MTBP: variants seen among roughly 807,000 people sequenced by gnomAD.
MTBP encodes mdm2-binding protein.
In MTBP, 101 loss-of-function variants were observed where a neutral mutation model predicts 117.0. That is an observed-to-expected ratio of 0.86 (90% CI 0.73 to 1.02). The LOEUF (loss-of-function observed/expected upper bound fraction) is 1.02, where lower values mean the gene tolerates loss of function less well. Ranked by LOEUF, MTBP falls within the 50% of genes least tolerant of loss-of-function variation. MTBP has a pLI of 0.00. For missense variants in MTBP, 970 were observed against 1,030.9 expected (o/e 0.94, Z 0.81); for synonymous variants, 350 against 351.5 (o/e 1.00, Z 0.05).
chr8:120,463,317 A>G (rs932061922), intron 9 of MTBP, among the ~76,000 whole-genome samples: 8 of 152,194 alleles, frequency 5.3e-5, no homozygotes, highest in African/African-American at 1.9e-4. Flanking sequence ...TTAAAAATAT[A>G]TAAGCATGTT....
chr8:120,511,423 GT>G (rs1230287032), intron 17 of MTBP, among the ~76,000 whole-genome samples: 2 of 152,132 alleles, frequency 1.3e-5, no homozygotes, highest in Non-Finnish European at 2.9e-5. Context: ...AGCCTCCCAG[GT>G]AACTGGGATT....
intron 14 of MTBP, among the ~76,000 whole-genome samples, chr8:120,498,638 G>A (rs1013053326): frequency 1.3e-5 from 2 of 152,314 alleles, no homozygotes; most frequent in Non-Finnish European, 1.5e-5. Context: ...TATAAAGTAA[G>A]TGCTGGTTAA....
intron 20 of MTBP, 91 bp from the exon 21 acceptor site, chr8:120,522,561 ATT>A: frequency 1.2e-6 from 1 of 854,448 alleles, no homozygotes; most frequent in Non-Finnish European, 1.8e-6. Context: ...GTGTAGAATG[ATT>A]TAGAATAATC....
chr8:120,466,050 A>G (rs373863857), intron 10 of MTBP, among the ~76,000 whole-genome samples: 15 of 152,238 alleles, frequency 9.9e-5, no homozygotes, highest in African/African-American at 2.9e-4. Context: ...ATATTACAAC[A>G]TACTTTATTA....
At chr8:120,490,963 T>C (rs1280160697) in intron 13 of MTBP, among the ~76,000 whole-genome samples, 3 of 152,152 alleles carry the variant, frequency 2.0e-5, no homozygotes, top group African/African-American at 7.2e-5. Flanking sequence ...TTAGGGAAAT[T>C]AATGTGTTAC....
chr8:120,451,383 T>C, intron 4 of MTBP, 61 bp downstream of exon 4: 1 of 1,356,266 alleles, frequency 7.4e-7, no homozygotes, highest in Non-Finnish European at 1.0e-6. Flanking sequence ...GTTATTTTAA[T>C]CCATGAGAAT....
chr8:120,519,181 GAA>G (rs35475031), intron 20 of MTBP, among the ~76,000 whole-genome samples: 30 of 118,360 alleles, frequency 2.5e-4, no homozygotes, highest in Admixed American at 5.8e-4. Flanking sequence ...AAAATGTTCT[GAA>G]AAAAAAAAAA....
chr8:120,463,803 A>G, intron 10 of MTBP, 42 bp downstream of exon 10: 1 of 1,548,360 alleles, frequency 6.5e-7, no homozygotes, highest in Non-Finnish European at 8.9e-7. Flanking sequence ...GTTTGTTTTT[A>G]TACTTGCCAT....
At chr8:120,503,512 C>T (rs762099740) in intron 15 of MTBP, among the ~76,000 whole-genome samples, 106 of 152,182 alleles carry the variant, frequency 7.0e-4, no homozygotes, top group African/African-American at 1.8e-3. Context: ...TCTTAGAGGA[C>T]GTTACATTTG....
In MTBP at chr8:120,445,498, T is replaced by A. The variant is rs1174849149; in HGVS notation, c.28T>A (p.Trp10Arg). The change falls in exon 1 of 22, where the codon TGG (tryptophan) becomes AGG (arginine). Residue 10 changes from tryptophan to arginine, a missense_variant. Transcript: ENST00000305949. MDRYLLLVI[W>R]GEGKFPSAAS... ...GGATCGGTACCTGCTGCTGGTGATCTGGGGGGAAGGAAAATTCCCGTCGGC... is the reference window on the plus strand; with the variant it reads ...GGATCGGTACCTGCTGCTGGTGATCAGGGGGGAAGGAAAATTCCCGTCGGC... 6.2e-6 allele frequency: 10 copies of A among 1,613,238 alleles called. No homozygotes were observed. In the African/African-American group the frequency reaches 1.2e-4, roughly 19 times the overall value.
At chr8:120,492,950 C>A (rs1243448065) in intron 13 of MTBP, among the ~76,000 whole-genome samples, 1 of 151,948 alleles carries the variant, frequency 6.6e-6, no homozygotes, top group African/African-American at 2.4e-5. Context: ...CAAGAAAAGG[C>A]TGAAGAATGC....
chr8:120,452,310 GT>G (rs1210744038), intron 4 of MTBP: 1 of 152,016 alleles, frequency 6.6e-6, no homozygotes, highest in Non-Finnish European at 1.5e-5. Flanking sequence ...GATCATATTT[GT>G]TTGTACTGAT....
In MTBP at chr8:120,488,286, T is replaced by A; in HGVS notation, c.1293T>A (p.Asn431Lys). The change falls in exon 12 of 22, where the codon AAT (asparagine) becomes AAA (lysine). Residue 431 changes from asparagine (N) to lysine (K), a missense_variant. Coordinates refer to ENST00000305949, the MANE Select transcript of MTBP (RefSeq NM_022045.5). ...AGATCAATGGCTCATTTGCACTCAATTTAATTCATGGAAAGATGAAAACAA... is the reference window on the plus strand; with the variant it reads ...AGATCAATGGCTCATTTGCACTCAAATTAATTCATGGAAAGATGAAAACAA... Reference protein sequence around the residue: ...ANQINGSFALNLIHGKMKTKT... With the variant: ...ANQINGSFALKLIHGKMKTKT... 6.4e-7 allele frequency: 1 copy of A among 1,570,966 alleles called. No homozygotes were observed. The highest frequency in any genetic ancestry group is 8.6e-7 in the Non-Finnish European group (1 of 1,164,986).
chr8:120,477,562 A>T (rs1415848423), intron 11 of MTBP, among the ~76,000 whole-genome samples: 1 of 152,200 alleles, frequency 6.6e-6, no homozygotes, highest in Non-Finnish European at 1.5e-5. Context: ...ACAAGAAAAA[A>T]GCAAACAACC....
intron 13 of MTBP, among the ~76,000 whole-genome samples, chr8:120,492,173 C>A (rs1035653764): frequency 6.6e-6 from 1 of 152,148 alleles, no homozygotes. Context: ...AGCATTAAAT[C>A]TTGATTCAGA....
chr8:120,508,950 G>T (rs1029829447), intron 16 of MTBP, among the ~76,000 whole-genome samples: 1 of 152,108 alleles, frequency 6.6e-6, no homozygotes, highest in Non-Finnish European at 1.5e-5. Context: ...CCCAGATTTT[G>T]ATATATCGCT....
intron 14 of MTBP, among the ~76,000 whole-genome samples, chr8:120,501,207 A>AT (rs1486807378): frequency 7.3e-4 from 107 of 145,824 alleles, no homozygotes; most frequent in Non-Finnish European, 1.5e-3. Flanking sequence ...AAAAAAAAAA[A>AT]AAAAATTAGC....
chr8:120,519,816 G>A (rs976345856), intron 20 of MTBP, among the ~76,000 whole-genome samples: 6 of 152,066 alleles, frequency 3.9e-5, no homozygotes, highest in African/African-American at 1.2e-4. Flanking sequence ...AGAAAGCAGG[G>A]AAGTTTAAAT....
intron 11 of MTBP, among the ~76,000 whole-genome samples, chr8:120,476,496 T>G (rs1813942361): frequency 6.6e-6 from 1 of 152,112 alleles, no homozygotes; most frequent in Admixed American, 6.5e-5. Context: ...TGATTGTATA[T>G]TTAGAAAACT....
Sources: gnomAD v4.1 joint callset for allele counts (sites outside exome capture counted in the v4.1 genomes callset) on GRCh38, gnomAD v4.1.1 for gene constraint, MANE v1.5 for transcripts, NCBI Gene and HGNC (gene_info 2026-07-23, HGNC 2026-07-21) for gene names.